Variants in PCDH15 observed in about 807,000 individuals in gnomAD.
PCDH15 encodes the protein protocadherin-15.
A neutral mutation model predicts 178.5 loss-of-function variants in PCDH15; 129 were observed. That is an observed-to-expected ratio of 0.72 (90% CI 0.63 to 0.84). The LOEUF (loss-of-function observed/expected upper bound fraction) is 0.84, where lower values mean the gene tolerates loss of function less well. PCDH15 is among the 40% of genes least tolerant of loss of function. PCDH15 has a pLI of 0.00. For synonymous variants in PCDH15, 800 were observed against 732.0 expected (o/e 1.09, Z -1.50); for missense variants, 2,230 against 2,099.9 (o/e 1.06, Z -1.21).
intron 8 of PCDH15, among the ~76,000 whole-genome samples, chr10:54,298,674 C>T (rs139924497): frequency 0.026 from 3,983 of 152,298 alleles, 72 homozygotes; most frequent in Non-Finnish European, 0.04. Context: ...CTGAGGGTGC[C>T]TGGGGCAAGT....
At chr10:54,971,655 C>T (rs1412969594) in intron 2 of PCDH15, among the ~76,000 whole-genome samples, 1 of 152,286 alleles carries the variant, frequency 6.6e-6, no homozygotes, top group East Asian at 1.9e-4. Context: ...AGACACTCTT[C>T]CTCCCACTTC....
chr10:53,952,735 C>T (rs936180171), intron 23 of PCDH15, among the ~76,000 whole-genome samples: 3 of 152,224 alleles, frequency 2.0e-5, no homozygotes, highest in Admixed American at 6.5e-5. Flanking sequence ...GAGGTTCCTG[C>T]AGGCCCGCTC....
intron 18 of PCDH15, among the ~76,000 whole-genome samples, chr10:54,057,228 G>A (rs12258948): frequency 0.21 from 31,767 of 152,168 alleles, 3,502 homozygotes; most frequent in Non-Finnish European, 0.23. Context: ...CCACTAGGCA[G>A]TGTCCCAGTG....
intron 25 of PCDH15, among the ~76,000 whole-genome samples, chr10:53,931,936 C>T (rs550120445): frequency 6.6e-6 from 1 of 152,266 alleles, no homozygotes; most frequent in South Asian, 2.1e-4. Flanking sequence ...CCTTCATTCA[C>T]TAGCAGTTGA....
intron 2 of PCDH15, among the ~76,000 whole-genome samples, chr10:54,992,046 T>C (rs1197281783): frequency 6.6e-6 from 1 of 152,056 alleles, no homozygotes; most frequent in Non-Finnish European, 1.5e-5. Flanking sequence ...ACTTGATTGA[T>C]GCAAATGTTT....
chr10:53,861,665 T>C (rs2079114565), intron 27 of PCDH15, among the ~76,000 whole-genome samples: 1 of 152,206 alleles, frequency 6.6e-6, no homozygotes. Flanking sequence ...TTAATATATG[T>C]TTAGTAAAAT....
chr10:54,852,090 C>T (rs1203400902), intron 3 of PCDH15, among the ~76,000 whole-genome samples: 2 of 152,060 alleles, frequency 1.3e-5, no homozygotes, highest in Admixed American at 1.3e-4. Flanking sequence ...TTTTCCAAAG[C>T]TCTGTTATAT....
intron 2 of PCDH15, among the ~76,000 whole-genome samples, chr10:55,440,846 A>G (rs1366806752): frequency 6.6e-6 from 1 of 152,166 alleles, no homozygotes; most frequent in Non-Finnish European, 1.5e-5. Flanking sequence ...GCGGAAGACA[A>G]AAGGCACATC....
At chr10:55,140,108 T>G in intron 2 of PCDH15, among the ~76,000 whole-genome samples, 1 of 151,976 alleles carries the variant, frequency 6.6e-6, no homozygotes, top group East Asian at 1.9e-4. Context: ...TTTTAAATGT[T>G]TATTTGGTCT....
intron 9 of PCDH15, 33 bp downstream of exon 9, chr10:54,236,790 A>G: frequency 6.7e-7 from 1 of 1,492,206 alleles, no homozygotes; most frequent in Non-Finnish European, 9.4e-7. Flanking sequence ...ATTCTAGAAT[A>G]ACTGATAGTG....
chr10:54,301,490 G>A (rs942432204), intron 8 of PCDH15, among the ~76,000 whole-genome samples: 1 of 152,050 alleles, frequency 6.6e-6, no homozygotes, highest in Non-Finnish European at 1.5e-5. Flanking sequence ...TGTTTATAAG[G>A]GAATTAACTT....
At chr10:54,340,943 G>C (rs537853485) in intron 6 of PCDH15, among the ~76,000 whole-genome samples, 1 of 152,166 alleles carries the variant, frequency 6.6e-6, no homozygotes, top group Admixed American at 6.5e-5. Flanking sequence ...CTGCCATTTT[G>C]CCTCTTAACG....
At chr10:54,793,958 G>A (rs1211392060) in intron 1 of PCDH15, among the ~76,000 whole-genome samples, 1 of 146,600 alleles carries the variant, frequency 6.8e-6, no homozygotes, top group Admixed American at 6.8e-5. Flanking sequence ...CTAAGGGGCA[G>A]GAATGTGTTC....
At chr10:55,050,693 T>C (rs530505419) in intron 2 of PCDH15, among the ~76,000 whole-genome samples, 34 of 152,204 alleles carry the variant, frequency 2.2e-4, no homozygotes, top group African/African-American at 7.5e-4. Context: ...ATTTTTCTCC[T>C]TAAAATCCCT....
chr10:55,331,154 C>T (rs1844188984), intron 2 of PCDH15, among the ~76,000 whole-genome samples: 1 of 151,828 alleles, frequency 6.6e-6, no homozygotes, highest in African/African-American at 2.4e-5. Context: ...ATTTTAAAAA[C>T]TTCCTTTGCC....
rs55696020 is a variant in PCDH15, at chr10:54,105,277, G to GATAT, written c.1918-15218_1918-15215dup. ...ATATAGATATAGACATATAGATGGA[G>GATAT]ATATATATATATATATATATATATA... On this transcript the variant is annotated intron_variant, in intron 15 of 37. Coordinates refer to ENST00000644397, the MANE Select transcript of PCDH15 (RefSeq NM_001384140.1). 2.6e-3 allele frequency among the ~76,000 whole-genome samples: 238 copies of GATAT among 90,404 alleles called. 1 individual carries two copies. Among genetic ancestry groups the GATAT allele is most frequent in the East Asian group, 0.013 (43 of 3,248 alleles). 59.3% of individuals were successfully genotyped at this position (90,404 alleles called of 152,430 possible).
chr10:53,816,678 A>G (rs544668048), intron 34 of PCDH15, among the ~76,000 whole-genome samples: 1 of 152,094 alleles, frequency 6.6e-6, no homozygotes, highest in Non-Finnish European at 1.5e-5. Flanking sequence ...TTCCTTCCCA[A>G]TCACATTAAA....
chr10:54,000,639 G>A (rs1011782828), intron 20 of PCDH15, among the ~76,000 whole-genome samples: 1 of 95,206 alleles, frequency 1.1e-5, no homozygotes, highest in African/African-American at 4.1e-5. Context: ...ACAGTCAGAG[G>A]AGGCAAGAGA....
At chr10:55,309,243 T>C (rs1217868881) in intron 1 of PCDH15, among the ~76,000 whole-genome samples, 2 of 152,198 alleles carry the variant, frequency 1.3e-5, no homozygotes, top group East Asian at 1.9e-4. Flanking sequence ...GGCTGGGTGC[T>C]GTAGCTTACA....
Sources: gnomAD v4.1 joint callset for allele counts (sites outside exome capture counted in the v4.1 genomes callset) on GRCh38, gnomAD v4.1.1 for gene constraint, MANE v1.5 for transcripts, NCBI Gene and HGNC (gene_info 2026-07-23, HGNC 2026-07-21) for gene names.